The following GLIS3 variants were observed in gnomAD, a reference collection of about 807,000 sequenced individuals.
GLIS3 encodes the protein zinc finger protein GLIS3.
GLIS3 carries 53 observed loss-of-function variants against 78.6 expected under a neutral mutation model. The observed-to-expected ratio is 0.67, with a 90% confidence interval of 0.54 to 0.85. The LOEUF (loss-of-function observed/expected upper bound fraction) is 0.85. Among genes scored for constraint, GLIS3 ranks in the 40% least tolerant of loss-of-function variants. The pLI is 0.00. For missense variants in GLIS3, 1,703 were observed against 1,231.1 expected (o/e 1.38, Z -5.74); for synonymous variants, 684 against 509.9 (o/e 1.34, Z -4.60).
intron 4 of GLIS3, among the ~76,000 whole-genome samples, chr9:4,010,836 C>T (rs1234538746): frequency 6.6e-6 from 1 of 152,128 alleles, no homozygotes; most frequent in Non-Finnish European, 1.5e-5. Context: ...CAAACTCTGA[C>T]GTATGAACCC....
chr9:4,209,147 C>G (rs1820149049), intron 2 of GLIS3, among the ~76,000 whole-genome samples: 1 of 152,166 alleles, frequency 6.6e-6, no homozygotes. Context: ...CGCTCATGCA[C>G]CACTCTGGAG....
At chr9:4,190,437 G>T (rs555811822) in intron 2 of GLIS3, among the ~76,000 whole-genome samples, 25,217 of 125,950 alleles carry the variant, frequency 0.2, 3,756 homozygotes, top group South Asian at 0.4. Flanking sequence ...TATCAGTGAT[G>T]GAAGATGAAA....
At chr9:4,136,877 T>C (rs371777300) in intron 2 of GLIS3, among the ~76,000 whole-genome samples, 1 of 152,190 alleles carries the variant, frequency 6.6e-6, no homozygotes, top group Non-Finnish European at 1.5e-5. Context: ...GCATCACCAG[T>C]GAAGCTTCTC....
intron 2 of GLIS3, among the ~76,000 whole-genome samples, chr9:4,174,841 T>C (rs548682559): frequency 5.4e-4 from 83 of 152,372 alleles, no homozygotes; most frequent in African/African-American, 1.6e-3. Flanking sequence ...ATTTTATTTA[T>C]ACATTGGCAT....
At chr9:4,476,641 C>A in the GLIS3 span, among the ~76,000 whole-genome samples, 1 of 151,912 alleles carries the variant, frequency 6.6e-6, no homozygotes, top group South Asian at 2.1e-4. Context: ...GGATTACAGG[C>A]GTGAGCCACC....
chr9:4,444,217 G>C, the GLIS3 span, among the ~76,000 whole-genome samples: 8 of 152,210 alleles, frequency 5.3e-5, no homozygotes, highest in African/African-American at 1.7e-4. Context: ...GACATACAAA[G>C]GCTCTTCTGC....
intron 2 of GLIS3, among the ~76,000 whole-genome samples, chr9:4,272,041 T>C (rs4740762): frequency 0.62 from 94,741 of 152,026 alleles, 29,776 homozygotes; most frequent in East Asian, 0.74. Flanking sequence ...CCTTGCAGAT[T>C]GTGCCCTCGT....
chr9:4,127,257 G>C (rs1041697020), intron 2 of GLIS3, among the ~76,000 whole-genome samples: 3 of 152,162 alleles, frequency 2.0e-5, no homozygotes, highest in Non-Finnish European at 4.4e-5. Flanking sequence ...AGGGAGAACA[G>C]AAACTGATTC....
At position 3,856,164 on chromosome 9, in the gene GLIS3, G is replaced by T. The variant is rs1330319242; in HGVS notation, c.2318C>A (p.Ser773Tyr). 2.5e-6 allele frequency: 4 copies of T among 1,614,042 alleles called. No homozygotes were observed. Among genetic ancestry groups the T allele is most frequent in the South Asian group, 1.1e-5 (1 of 91,066 alleles). Residue 773 changes from serine to tyrosine, a missense_variant, in exon 9 of 11, where the codon TCT becomes TAT. Ser to Tyr is a moderately radical substitution (Grantham distance 144). Coordinates refer to ENST00000381971, the MANE Select transcript of GLIS3 (RefSeq NM_001042413.2). ...TCTCCGGGGGCTGATGTGGTGAGGA[G>T]ATGGAGCAGAAGGTGCAAACCTGAG... is the stretch of plus-strand genomic sequence containing the variant. ...GAERFAPSAP[S>Y]PHHISPRRVP... is the part of the protein sequence containing the mutation.
At chr9:4,155,060 C>G (rs569138385) in intron 2 of GLIS3, among the ~76,000 whole-genome samples, 50 of 152,232 alleles carry the variant, frequency 3.3e-4, no homozygotes, top group African/African-American at 1.1e-3. Context: ...CATGTATTTG[C>G]TTACTAAAAT....
chr9:4,347,987 C>G (rs1817916398), intron 1 of GLIS3, among the ~76,000 whole-genome samples: 1 of 152,056 alleles, frequency 6.6e-6, no homozygotes, highest in Admixed American at 6.6e-5. Flanking sequence ...AAATCCCTTC[C>G]CAAATTAGAC....
chr9:4,371,478 G>A, the GLIS3 span, among the ~76,000 whole-genome samples: 1 of 152,166 alleles, frequency 6.6e-6, no homozygotes, highest in African/African-American at 2.4e-5. Flanking sequence ...TTTACTCGAA[G>A]GTTGGAGTCT....
intron 2 of GLIS3, among the ~76,000 whole-genome samples, chr9:4,254,338 G>A (rs1216697554): frequency 6.6e-6 from 1 of 152,130 alleles, no homozygotes; most frequent in Non-Finnish European, 1.5e-5. Context: ...GGATCTGTCT[G>A]AAGAAAATTA....
chr9:4,477,797 G>A, the GLIS3 span, among the ~76,000 whole-genome samples: 1,291 of 152,246 alleles, frequency 8.5e-3, 17 homozygotes, highest in African/African-American at 0.03. Flanking sequence ...CGGCTGCAGA[G>A]TAATATGAAT....
At position 4,101,593 on chromosome 9, in the gene GLIS3, C is replaced by T. The variant is rs1043270784; in HGVS notation, c.1710+16175G>A. ...ATCTTATAATTTAGAAATTATTTTT[C>T]TAGGGTAATACATGTAACCACCAAT... is the stretch of plus-strand genomic sequence containing the variant. On this transcript the variant is annotated intron_variant, in intron 4 of 10. Coordinates refer to ENST00000381971, the MANE Select transcript of GLIS3 (RefSeq NM_001042413.2). Among the ~76,000 whole-genome samples, 8 of 152,122 alleles carry T rather than the reference C, an allele frequency of 5.3e-5. No homozygotes were observed. The East Asian group carries it at 1.5e-3, about 29-fold the overall frequency.
intron 4 of GLIS3, among the ~76,000 whole-genome samples, chr9:4,096,400 A>G (rs770738854): frequency 1.3e-5 from 2 of 152,226 alleles, no homozygotes; most frequent in Non-Finnish European, 2.9e-5. Context: ...TACGAAAAAC[A>G]AAAGTAACAC....
At chr9:3,930,216 A>G (rs551807746) in intron 6 of GLIS3, among the ~76,000 whole-genome samples, 2 of 152,348 alleles carry the variant, frequency 1.3e-5, no homozygotes, top group African/African-American at 4.8e-5. Context: ...CTTATCACTA[A>G]GGGCTGTGCA....
chr9:3,829,742 G>T (rs1817939354), intron 9 of GLIS3, among the ~76,000 whole-genome samples: 1 of 152,176 alleles, frequency 6.6e-6, no homozygotes, highest in South Asian at 2.1e-4. Context: ...TCTGAAGTGG[G>T]AAGGCTTCTT....
intron 2 of GLIS3, among the ~76,000 whole-genome samples, chr9:4,160,603 C>G (rs962084117): frequency 6.6e-6 from 1 of 152,192 alleles, no homozygotes; most frequent in Non-Finnish European, 1.5e-5. Flanking sequence ...TTAACCCAAG[C>G]TTGTTTGACA....
Sources: allele counts gnomAD v4.1 joint callset (sites outside exome capture counted in the v4.1 genomes callset), GRCh38; gene constraint gnomAD v4.1.1; transcripts MANE v1.5; gene names NCBI Gene and HGNC (gene_info 2026-07-23, HGNC 2026-07-21).